The following PTK7 variants were observed in gnomAD, a reference collection of about 807,000 sequenced individuals.
The protein encoded by PTK7 is inactive tyrosine-protein kinase 7.
In PTK7, 39 loss-of-function variants were observed where a neutral mutation model predicts 116.6. The observed-to-expected ratio is 0.33, with a 90% CI of 0.26 to 0.44. The LOEUF is 0.44. Among genes scored for constraint, PTK7 ranks in the 20% least tolerant of loss-of-function variants. PTK7 has a pLI of 1.00. For synonymous variants in PTK7, 546 were observed against 563.6 expected (o/e 0.97, Z 0.44); for missense variants, 1,169 against 1,425.6 (o/e 0.82, Z 2.90).
intron 1 of PTK7, among the ~76,000 whole-genome samples, chr6:43,083,045 A>T (rs888542746): frequency 9.9e-5 from 15 of 152,194 alleles, no homozygotes; most frequent in African/African-American, 3.6e-4. Flanking sequence ...AGCTTCTGTG[A>T]GACTCGTCTG....
intron 17 of PTK7, among the ~76,000 whole-genome samples, chr6:43,153,932 G>T (rs1255022330): frequency 2.0e-5 from 3 of 151,968 alleles, no homozygotes; most frequent in African/African-American, 7.2e-5. Flanking sequence ...TTGGGAGGCC[G>T]AGGCAGGTGG....
intron 7 of PTK7, among the ~76,000 whole-genome samples, chr6:43,135,755 T>G (rs1183218148): frequency 1.3e-5 from 2 of 152,232 alleles, no homozygotes; most frequent in Admixed American, 6.5e-5. Context: ...GGACTTTGGC[T>G]TCGGCATCAG....
intron 17 of PTK7, among the ~76,000 whole-genome samples, chr6:43,154,126 GCA>G (rs1432716124): frequency 6.6e-6 from 1 of 152,112 alleles, no homozygotes; most frequent in Non-Finnish European, 1.5e-5. Context: ...TAGCGCCACT[GCA>G]CTCCAGCCTG....
chr6:43,150,700 T>G (rs1433434396), intron 17 of PTK7, among the ~76,000 whole-genome samples: 1 of 150,636 alleles, frequency 6.6e-6, no homozygotes, highest in East Asian at 2.0e-4. Context: ...TGATGGCCAC[T>G]GAAGCAGCCT....
chr6:43,122,948 A>T (rs1158774400), intron 1 of PTK7, among the ~76,000 whole-genome samples: 1 of 151,996 alleles, frequency 6.6e-6, no homozygotes, highest in Non-Finnish European at 1.5e-5. Flanking sequence ...TGGAAGTGTC[A>T]GACACATATG....
At position 43,139,346 on chromosome 6, in the gene PTK7, G is replaced by A; in HGVS notation, c.1499-60G>A. On this transcript the variant is annotated intron_variant, in intron 9 of 19. Coordinates refer to ENST00000230419, the MANE Select transcript of PTK7 (RefSeq NM_002821.5). The surrounding 1 kb of genome is among the most constrained non-coding windows in gnomAD (Gnocchi z 4.6). ...GAAAGGGGAGGGAGCAGCAGGCCTG[G>A]CCACGGCCTCTCCAGCGGCCCCAAT... 3 of 1,613,988 alleles carry A rather than the reference G, an allele frequency of 1.9e-6. No individual in the cohort carries two copies. The highest frequency in any genetic ancestry group is 2.5e-6 in the Non-Finnish European group (3 of 1,179,844).
At chr6:43,127,883 C>T (rs905247705) in intron 1 of PTK7, among the ~76,000 whole-genome samples, 12 of 151,524 alleles carry the variant, frequency 7.9e-5, no homozygotes, top group African/African-American at 2.2e-4. Flanking sequence ...GAGCCAAGAT[C>T]GCGCTACTGC....
chr6:43,157,395 TA>T (rs1771568537), intron 17 of PTK7, among the ~76,000 whole-genome samples: 1 of 124,970 alleles, frequency 8.0e-6, no homozygotes, highest in African/African-American at 3.0e-5. Flanking sequence ...TTTTTTTTTT[TA>T]ATAGAGTCTC....
chr6:43,124,556 G>T (rs1048335648), intron 1 of PTK7, among the ~76,000 whole-genome samples: 1 of 151,940 alleles, frequency 6.6e-6, no homozygotes, highest in Non-Finnish European at 1.5e-5. Flanking sequence ...CATGCTTGAG[G>T]TCCCAGCTAC....
At position 43,129,554 on chromosome 6, in the gene PTK7, GGC is replaced by G; in HGVS notation, c.368-172_368-171del. 1.5e-6 allele frequency: 1 copy of G among 684,288 alleles called. No individual in the cohort carries two copies. The highest frequency in any genetic ancestry group is 2.4e-6 in the Non-Finnish European group (1 of 410,010). The allele number at this position is 684,288 out of a possible 1,614,324, so 42.4% of individuals were successfully genotyped here. ...GTCAGACTTGACCTGCCAGGGACCAGGCAGGCACTTAGTATCTGGTAACTGTA... is the reference window on the plus strand; with the variant it reads ...GTCAGACTTGACCTGCCAGGGACCAGAGGCACTTAGTATCTGGTAACTGTA... On this transcript the variant is annotated intron_variant, in intron 2 of 19. Transcript: ENST00000230419. The surrounding 1 kb of genome is among the most constrained non-coding windows in gnomAD (Gnocchi z 4.5).
chr6:43,121,581 C>T (rs1174472376), intron 1 of PTK7, among the ~76,000 whole-genome samples: 4 of 152,206 alleles, frequency 2.6e-5, no homozygotes, highest in African/African-American at 9.7e-5. Flanking sequence ...CTCTGCAGCT[C>T]ACTGGGTCTT....
At chr6:43,104,345 A>C (rs1273049791) in intron 1 of PTK7, among the ~76,000 whole-genome samples, 3 of 152,214 alleles carry the variant, frequency 2.0e-5, no homozygotes, top group Admixed American at 1.3e-4. Flanking sequence ...TAACCAGTTA[A>C]AAATGAAAAA....
chr6:43,130,129 G>T, intron 3 of PTK7, 101 bp from the exon 4 acceptor site: 1 of 1,257,090 alleles, frequency 8.0e-7, no homozygotes. Flanking sequence ...GTTTCTCCAT[G>T]TATAAACTGA....
intron 17 of PTK7, among the ~76,000 whole-genome samples, chr6:43,148,305 G>A (rs1770843855): frequency 6.6e-6 from 1 of 152,114 alleles, no homozygotes; most frequent in Non-Finnish European, 1.5e-5. Context: ...GGGCACTTAT[G>A]ATCTAGTGAG....
intron 17 of PTK7, among the ~76,000 whole-genome samples, chr6:43,152,011 AT>A (rs1310602858): frequency 2.7e-5 from 4 of 150,022 alleles, no homozygotes; most frequent in Non-Finnish European, 5.9e-5. Context: ...AGCCCGACTA[AT>A]TTTTTGTATT....
chr6:43,141,992 A>G lies in PTK7; in HGVS notation c.1830A>G (p.Leu610=). The change falls in exon 12 of 20, where the codon CTA becomes CTG. Residue 610 remains leucine, a synonymous_variant. Coordinates refer to ENST00000230419, the MANE Select transcript of PTK7 (RefSeq NM_002821.5). This position sits in a 1 kb window ranked among gnomAD's most constrained non-coding sequence, Gnocchi z 4.9. Reference sequence around the variant, plus strand: ...CTGTGTACCAGGGCCACACAGCCCTACTGCAGTGCGAGGCCCAGGGGGACC... The same window carrying G: ...CTGTGTACCAGGGCCACACAGCCCTGCTGCAGTGCGAGGCCCAGGGGGACC... ...RTTVYQGHTA[L]LQCEAQGDPK... The G allele has an allele frequency of 6.2e-7, 1 of 1,613,844 alleles. No individual in the cohort carries two copies. Among genetic ancestry groups the G allele is most frequent in the Non-Finnish European group, 8.5e-7 (1 of 1,179,982 alleles).
chr6:43,122,941 A>G (rs1384765203), intron 1 of PTK7, among the ~76,000 whole-genome samples: 1 of 151,736 alleles, frequency 6.6e-6, no homozygotes, highest in Non-Finnish European at 1.5e-5. Context: ...GCTGGTGTGG[A>G]AGTGTCAGAC....
At position 43,129,839 on chromosome 6, in the gene PTK7, C is replaced by T. The variant is rs1193235942; in HGVS notation, c.470+10C>T. On this transcript the variant is annotated intron_variant, in intron 3 of 19. Transcript: ENST00000230419. This position sits in a 1 kb window ranked among gnomAD's most constrained non-coding sequence, Gnocchi z 4.5. Reference sequence around the variant, plus strand: ...TTGATGGGCACCCTCGGTAAGGAGTCAGGGAGGTGGGGATGAAGAGGGTTA... The same window carrying T: ...TTGATGGGCACCCTCGGTAAGGAGTTAGGGAGGTGGGGATGAAGAGGGTTA... The T allele has an allele frequency of 1.9e-6, 3 of 1,612,162 alleles. No individual in the cohort carries two copies. Among genetic ancestry groups the T allele is most frequent in the East Asian group, 2.2e-5 (1 of 44,866 alleles).
rs1554144846 is a variant in PTK7 at position 43,076,395 on chromosome 6, C to A, written c.-94C>A. 4 of 1,017,650 alleles carry A rather than the reference C, an allele frequency of 3.9e-6. No individual in the cohort carries two copies. Among genetic ancestry groups the A allele is most frequent in the Non-Finnish European group, 3.9e-6 (3 of 777,060 alleles). The allele number at this position is 1,017,650 out of a possible 1,614,324, so 63.0% of individuals were successfully genotyped here. ...CGGCTGCGGCTGCTGCTGCGGCGCC[C>A]GCGCTCCGGTGCGCTCCGCCTCCTG... On this transcript the variant is annotated 5_prime_UTR_variant, in exon 1 of 20. Coordinates refer to ENST00000230419, the MANE Select transcript of PTK7 (RefSeq NM_002821.5). The surrounding 1 kb of genome is among the most constrained non-coding windows in gnomAD (Gnocchi z 5.7).
Sources: allele counts gnomAD v4.1 joint callset (sites outside exome capture counted in the v4.1 genomes callset), GRCh38; gene constraint gnomAD v4.1.1; non-coding constraint Gnocchi (gnomAD v3.1); transcripts MANE v1.5; gene names NCBI Gene and HGNC (gene_info 2026-07-23, HGNC 2026-07-21).